The following CDYL variants were observed in gnomAD, a reference collection of about 807,000 sequenced individuals.
CDYL encodes chromodomain Y like.
In CDYL, 8 loss-of-function variants were observed where a neutral mutation model predicts 47.3. That is an observed-to-expected ratio of 0.17 (90% CI 0.10 to 0.31). The LOEUF (loss-of-function observed/expected upper bound fraction) is 0.31. Among genes scored for constraint, CDYL ranks in the 10% least tolerant of loss-of-function variants. CDYL has a pLI of 1.00. For missense variants in CDYL, 471 were observed against 701.4 expected (o/e 0.67, Z 3.71); for synonymous variants, 266 against 265.0 (o/e 1.00, Z -0.04).
In CDYL at chr6:4,810,988, T is replaced by C. The variant is rs190915002; in HGVS notation, c.24+34181T>C. 5.8e-3 allele frequency among the ~76,000 whole-genome samples: 888 copies of C among 152,354 alleles called. 8 individuals are homozygous for C. Among genetic ancestry groups the C allele is most frequent in the African/African-American group, 0.02 (852 of 41,576 alleles). ...TGTCTATTCAGTTATTGCAGGCAATTCCTTCAGTAAATAGAGAAAGAGCTT... is the reference window on the plus strand; with the variant it reads ...TGTCTATTCAGTTATTGCAGGCAATCCCTTCAGTAAATAGAGAAAGAGCTT... On this transcript the variant is annotated intron_variant, in intron 1 of 6. Coordinates refer to ENST00000397588, the MANE Select transcript of CDYL (RefSeq NM_004824.4).
intron 1 of CDYL, among the ~76,000 whole-genome samples, chr6:4,862,517 C>G (rs1046315406): frequency 7.2e-5 from 11 of 152,078 alleles, no homozygotes; most frequent in Non-Finnish European, 1.5e-5. Context: ...AAAGAGTATT[C>G]CCTAAAAGTA....
At chr6:4,907,845 C>G (rs1283984971) in intron 2 of CDYL, among the ~76,000 whole-genome samples, 1 of 152,126 alleles carries the variant, frequency 6.6e-6, no homozygotes, top group African/African-American at 2.4e-5. Flanking sequence ...AGCTTTTGCC[C>G]TCCTCTAGAA....
At chr6:4,749,353 T>A (rs1339258063) in intron 3 of CDYL, among the ~76,000 whole-genome samples, 1 of 60,380 alleles carries the variant, frequency 1.7e-5, no homozygotes, top group African/African-American at 3.0e-5. Flanking sequence ...GGATATGAGA[T>A]AGATGGATGG....
At chr6:4,718,851 T>C (rs1362207764) in intron 2 of CDYL, among the ~76,000 whole-genome samples, 1 of 152,180 alleles carries the variant, frequency 6.6e-6, no homozygotes, top group Non-Finnish European at 1.5e-5. Context: ...TCCTGCAGGA[T>C]ATTCCAGTTT....
At chr6:4,759,735 C>G (rs1176552065) in intron 3 of CDYL, among the ~76,000 whole-genome samples, 1 of 150,570 alleles carries the variant, frequency 6.6e-6, no homozygotes, top group Non-Finnish European at 1.5e-5. Context: ...AAAAATTAGC[C>G]GGGCGTGGGG....
chr6:4,763,209 A>G (rs1355975211), intron 3 of CDYL, among the ~76,000 whole-genome samples: 2 of 152,216 alleles, frequency 1.3e-5, no homozygotes, highest in Non-Finnish European at 2.9e-5. Flanking sequence ...GGTAAAATAA[A>G]TAACTTTTTA....
intron 3 of CDYL, among the ~76,000 whole-genome samples, chr6:4,745,936 A>G (rs911444045): frequency 6.6e-6 from 1 of 152,176 alleles, no homozygotes; most frequent in South Asian, 2.1e-4. Flanking sequence ...GATAACCAGA[A>G]TGTGGGAGCC....
intron 3 of CDYL, among the ~76,000 whole-genome samples, chr6:4,770,241 G>A (rs1758319037): frequency 6.6e-6 from 1 of 152,056 alleles, no homozygotes; most frequent in African/African-American, 2.4e-5. Flanking sequence ...AAGGTGCCTG[G>A]CATACAATAA....
At chr6:4,877,587 T>C (rs10428760) in intron 1 of CDYL, among the ~76,000 whole-genome samples, 18,341 of 152,256 alleles carry the variant, frequency 0.12, 1,271 homozygotes, top group Non-Finnish European at 0.16. Flanking sequence ...CTTGACCAAA[T>C]AGATTTCTTG....
chr6:4,790,620 T>TG (rs970734909), intron 1 of CDYL, among the ~76,000 whole-genome samples: 1 of 152,204 alleles, frequency 6.6e-6, no homozygotes, highest in African/African-American at 2.4e-5. Flanking sequence ...ATGTAGCTTA[T>TG]GGAAGTAGAA....
chr6:4,793,899 G>A (rs1758998864), intron 1 of CDYL, among the ~76,000 whole-genome samples: 1 of 152,210 alleles, frequency 6.6e-6, no homozygotes, highest in Non-Finnish European at 1.5e-5. Context: ...GGGTTCATGT[G>A]TAGGGTGCAG....
At chr6:4,857,809 A>G (rs1479522078) in intron 1 of CDYL, among the ~76,000 whole-genome samples, 2 of 152,212 alleles carry the variant, frequency 1.3e-5, no homozygotes, top group Non-Finnish European at 2.9e-5. Flanking sequence ...TTAACTTTAC[A>G]GGGAATTATC....
intron 1 of CDYL, chr6:4,715,667 C>T: frequency 7.1e-7 from 1 of 1,402,594 alleles, no homozygotes; most frequent in South Asian, 1.5e-5. Flanking sequence ...TGGTGAAAGT[C>T]ATTAAATGCC....
chr6:4,909,555 A>G (rs529579668), intron 2 of CDYL, among the ~76,000 whole-genome samples: 1 of 152,106 alleles, frequency 6.6e-6, no homozygotes, highest in Admixed American at 6.5e-5. Context: ...GGTGTACTTG[A>G]GATAAAATTC....
chr6:4,947,409 T>G (rs1265075048), intron 5 of CDYL, among the ~76,000 whole-genome samples: 1 of 152,166 alleles, frequency 6.6e-6, no homozygotes, highest in Non-Finnish European at 1.5e-5. Flanking sequence ...AGTGGCTGAT[T>G]AACCTGGGTG....
intron 5 of CDYL, among the ~76,000 whole-genome samples, chr6:4,948,657 T>C (rs3789801): frequency 0.93 from 140,958 of 152,150 alleles, 65,894 homozygotes; most frequent in Non-Finnish European, 1. Flanking sequence ...CAGCCCTGCT[T>C]AGCACCCTGC....
intron 2 of CDYL, among the ~76,000 whole-genome samples, chr6:4,900,828 T>TATATATATATATACAC (rs1757025805): frequency 1.0e-5 from 1 of 99,372 alleles, no homozygotes; most frequent in African/African-American, 3.6e-5. Context: ...TATATATATA[T>TATATATATATATACAC]ATCTTGCCTG....
chr6:4,920,494 G>A (rs974111572), intron 2 of CDYL, among the ~76,000 whole-genome samples: 3 of 152,308 alleles, frequency 2.0e-5, no homozygotes, highest in East Asian at 3.9e-4. Context: ...AGCCTCCGGC[G>A]GGTCATGCAA....
intron 1 of CDYL, among the ~76,000 whole-genome samples, chr6:4,829,003 T>G (rs1224966267): frequency 6.6e-6 from 1 of 152,212 alleles, no homozygotes; most frequent in Admixed American, 6.5e-5. Flanking sequence ...TTGTTCTGAT[T>G]TCCTTCAGTT....
Sources: allele counts gnomAD v4.1 joint callset (sites outside exome capture counted in the v4.1 genomes callset), GRCh38; gene constraint gnomAD v4.1.1; transcripts MANE v1.5; gene names NCBI Gene and HGNC (gene_info 2026-07-23, HGNC 2026-07-21).